Variants in TMEM107 observed in about 807,000 individuals in gnomAD.
The protein encoded by TMEM107 is transmembrane protein 107.
In TMEM107, 18 loss-of-function variants were observed where a neutral mutation model predicts 16.8. The ratio of observed to expected loss-of-function variants is 1.07; its 90% CI spans 0.74 to 1.59. The LOEUF is 1.59. Among genes scored for constraint, TMEM107 ranks in the 40% most tolerant of loss-of-function variants. The pLI, the probability that TMEM107 is intolerant of heterozygous loss-of-function variation, is 0.00. For synonymous variants in TMEM107, 68 were observed against 71.6 expected (o/e 0.95, Z 0.25); for missense variants, 152 against 175.4 (o/e 0.87, Z 0.75).
In TMEM107 at chr17:8,173,538, C is replaced by T. The variant is rs375272334; in HGVS notation, c.*665G>A. ...TTCATGCATCTCCAATCATCATGTT[C>T]TAATCTGCCCTCCGGAGGAGGAACA... On this transcript the variant is annotated 3_prime_UTR_variant, in exon 5 of 5. Coordinates refer to ENST00000437139, the MANE Select transcript of TMEM107 (RefSeq NM_183065.4). The T allele has an allele frequency of 4.0e-4, 303 of 765,362 alleles. No individual in the cohort carries two copies. The highest frequency in any genetic ancestry group is 5.5e-4 in the Non-Finnish European group (228 of 418,006). The allele number at this position is 765,362 out of a possible 1,614,324, so 47.4% of individuals were successfully genotyped here.
rs757456974 is a variant in TMEM107, at chr17:8,175,833, G to A, written c.180C>T (p.Thr60=). Residue 60 remains threonine (T), a synonymous_variant, in exon 3 of 5, where the codon ACC becomes ACT. Coordinates refer to ENST00000437139, the MANE Select transcript of TMEM107 (RefSeq NM_183065.4). ...CCAGCTCCACTGCAAAGAGGCCCAGGGTGACAGAGAGCGCGGCCACCAGCC... is the reference window on the plus strand; with the variant it reads ...CCAGCTCCACTGCAAAGAGGCCCAGAGTGACAGAGAGCGCGGCCACCAGCC... ...DIQLVAALSV[T]LGLFAVELAG... 1 of 1,614,198 alleles carries A rather than the reference G, an allele frequency of 6.2e-7. No homozygotes were observed. Among genetic ancestry groups the A allele is most frequent in the Non-Finnish European group, 8.5e-7 (1 of 1,180,040 alleles).
rs768849369 is a variant in TMEM107, at chr17:8,173,568, AG to A, written c.*634del. Reference sequence around the variant, plus strand: ...CTGCCCTCCGGAGGAGGAACAGGTAAGGATTATCCCACCTGACGATACAGAC... The same window carrying A: ...CTGCCCTCCGGAGGAGGAACAGGTAAGATTATCCCACCTGACGATACAGAC... On this transcript the variant is annotated 3_prime_UTR_variant, in exon 5 of 5. Coordinates refer to ENST00000437139, the MANE Select transcript of TMEM107 (RefSeq NM_183065.4). 1.3e-6 allele frequency: 1 copy of A among 765,072 alleles called. No homozygotes were observed. The highest frequency in any genetic ancestry group is 1.7e-5 in the Admixed American group (1 of 58,930). 47.4% of individuals were successfully genotyped at this position (765,072 alleles called of 1,614,324 possible).
chr17:8,173,820 C>T lies in TMEM107; in HGVS notation c.*383G>A. ...TTACGTGCCGGACGTTCTAACTGTA[C>T]GCACTTTCTATTTACATATCTCCGC... On this transcript the variant is annotated 3_prime_UTR_variant, in exon 5 of 5. Coordinates refer to ENST00000437139, the MANE Select transcript of TMEM107 (RefSeq NM_183065.4). 2.0e-6 allele frequency: 1 copy of T among 499,804 alleles called. No homozygotes were observed. 31.0% of individuals were successfully genotyped at this position (499,804 alleles called of 1,614,324 possible).
At position 8,173,815 on chromosome 17, in the gene TMEM107, C is replaced by T. The variant is rs991506796; in HGVS notation, c.*388G>A. On this transcript the variant is annotated 3_prime_UTR_variant, in exon 5 of 5. Coordinates refer to ENST00000437139, the MANE Select transcript of TMEM107 (RefSeq NM_183065.4). ...ATCAGTTACGTGCCGGACGTTCTAA[C>T]TGTACGCACTTTCTATTTACATATC... 1.8e-5 allele frequency: 9 copies of T among 507,144 alleles called. No homozygotes were observed. The highest frequency in any genetic ancestry group is 9.7e-5 in the African/African-American group (5 of 51,416). 31.4% of individuals were successfully genotyped at this position (507,144 alleles called of 1,614,324 possible).
rs746215946 is a variant in TMEM107, at chr17:8,173,496, A to C, written c.*707T>G. ...AGGGTGTTGCAAGTCCTGATTACGCAGAGACGTTAATCACGTTTCATGCAT... is the reference window on the plus strand; with the variant it reads ...AGGGTGTTGCAAGTCCTGATTACGCCGAGACGTTAATCACGTTTCATGCAT... On this transcript the variant is annotated 3_prime_UTR_variant, in exon 5 of 5. Transcript: ENST00000437139. The C allele has an allele frequency of 2.6e-6, 2 of 765,268 alleles. No individual in the cohort carries two copies. Among genetic ancestry groups the C allele is most frequent in the Admixed American group, 3.4e-5 (2 of 59,024 alleles). 47.4% of individuals were successfully genotyped at this position (765,268 alleles called of 1,614,324 possible).
chr17:8,175,873 G>A lies in TMEM107; in HGVS notation c.156-16C>T. On this transcript the variant is annotated splice_polypyrimidine_tract_variant and intron_variant, in intron 2 of 4. Transcript: ENST00000437139. ...GGCCACCAGCCTGCAGAGAGGAAGT[G>A]GACTGGCCCAGGCCTTTGGACTTAT... 1 of 1,614,136 alleles carries A rather than the reference G, an allele frequency of 6.2e-7. No homozygotes were observed. The highest frequency in any genetic ancestry group is 1.1e-5 in the South Asian group (1 of 91,088).
Position 8,173,482 on chromosome 17 carries a change from A to C in TMEM107, c.*721T>G, listed in dbSNP as rs377598768. 2 of 764,890 alleles carry C rather than the reference A, an allele frequency of 2.6e-6. No individual in the cohort carries two copies. The highest frequency in any genetic ancestry group is 1.7e-5 in the African/African-American group (1 of 59,136). 47.4% of individuals were successfully genotyped at this position (764,890 alleles called of 1,614,324 possible). A position where few individuals can be genotyped will look rare whatever the true frequency, so the allele number is the denominator to read the frequency against. On this transcript the variant is annotated 3_prime_UTR_variant, in exon 5 of 5. Coordinates refer to ENST00000437139, the MANE Select transcript of TMEM107 (RefSeq NM_183065.4). ...AGACAGGAGCAATCAGGGTGTTGCA[A>C]GTCCTGATTACGCAGAGACGTTAAT...
At position 8,173,575 on chromosome 17, in the gene TMEM107, T is replaced by G. The variant is rs777501044; in HGVS notation, c.*628A>C. On this transcript the variant is annotated 3_prime_UTR_variant, in exon 5 of 5. Coordinates refer to ENST00000437139, the MANE Select transcript of TMEM107 (RefSeq NM_183065.4). ...CCGGAGGAGGAACAGGTAAGGATTA[T>G]CCCACCTGACGATACAGACAAACAG... 1.0e-4 allele frequency: 78 copies of G among 764,710 alleles called. No individual in the cohort carries two copies. The highest frequency in any genetic ancestry group is 1.5e-4 in the Non-Finnish European group (63 of 417,684). 47.4% of individuals were successfully genotyped at this position (764,710 alleles called of 1,614,324 possible).
At position 8,175,871 on chromosome 17, in the gene TMEM107, G is replaced by C; in HGVS notation, c.156-14C>G. 1.2e-6 allele frequency: 2 copies of C among 1,614,190 alleles called. No homozygotes were observed. The highest frequency in any genetic ancestry group is 1.7e-6 in the Non-Finnish European group (2 of 1,180,022). ...GCGGCCACCAGCCTGCAGAGAGGAA[G>C]TGGACTGGCCCAGGCCTTTGGACTT... is the stretch of plus-strand genomic sequence containing the variant. On this transcript the variant is annotated splice_polypyrimidine_tract_variant and intron_variant, in intron 2 of 4. Transcript: ENST00000437139.
Position 8,173,433 on chromosome 17 carries a change from T to TGTAA in TMEM107, c.*766_*769dup. On this transcript the variant is annotated 3_prime_UTR_variant, in exon 5 of 5. Transcript: ENST00000437139. The stretch of plus-strand genomic sequence containing the variant: ...TATCTGCTAATCAGCATAACACAAA[T>TGTAA]GTAAGTGATCGTCAGAAAGAATCAG... 1 of 760,348 alleles carries TGTAA rather than the reference T, an allele frequency of 1.3e-6. No homozygotes were observed. The highest frequency in any genetic ancestry group is 2.4e-6 in the Non-Finnish European group (1 of 415,370). 47.1% of individuals were successfully genotyped at this position (760,348 alleles called of 1,614,324 possible). A position where few individuals can be genotyped will look rare whatever the true frequency, so the allele number is the denominator to read the frequency against.
In TMEM107 at chr17:8,174,265, G is replaced by T; in HGVS notation, c.361C>A (p.Pro121Thr). 1 of 1,614,124 alleles carries T rather than the reference G, an allele frequency of 6.2e-7. No homozygotes were observed. Among genetic ancestry groups the T allele is most frequent in the African/African-American group, 1.3e-5 (1 of 75,062 alleles). ...AATAAAGCCATTTCAGTGACAGCTG[G>T]AAGGGCACTACCAAGGCAAGTGGTA... is the stretch of plus-strand genomic sequence containing the variant. ...WYIFVFCSAL[P>T]AVTEMALFVT... Residue 121 changes from proline (P) to threonine (T), a missense_variant, in exon 5 of 5, where the codon CCA becomes ACA. By Grantham distance (38) the Pro-to-Thr change is conservative. Coordinates refer to ENST00000437139, the MANE Select transcript of TMEM107 (RefSeq NM_183065.4).
In TMEM107 at chr17:8,173,450, A is replaced by G. The variant is rs775477766; in HGVS notation, c.*753T>C. The G allele has an allele frequency of 3.9e-6, 3 of 762,666 alleles. No individual in the cohort carries two copies. Among genetic ancestry groups the G allele is most frequent in the Non-Finnish European group, 4.8e-6 (2 of 416,990 alleles). The allele number at this position is 762,666 out of a possible 1,614,324, so 47.2% of individuals were successfully genotyped here. A position where few individuals can be genotyped will look rare whatever the true frequency, so the allele number is the denominator to read the frequency against. On this transcript the variant is annotated 3_prime_UTR_variant, in exon 5 of 5. Transcript: ENST00000437139. ...AACACAAATGTAAGTGATCGTCAGA[A>G]AGAATCAGACAGGAGCAATCAGGGT...
chr17:8,175,711 G>C lies in TMEM107; in HGVS notation c.256+46C>G, dbSNP rs8064449. On this transcript the variant is annotated intron_variant, in intron 3 of 4. Coordinates refer to ENST00000437139, the MANE Select transcript of TMEM107 (RefSeq NM_183065.4). ...GTGTCAGGTGGCTGAAGGGAGTCCTGATAGAAGTGGGTCGTGTGGGAAAGG... is the reference window on the plus strand; with the variant it reads ...GTGTCAGGTGGCTGAAGGGAGTCCTCATAGAAGTGGGTCGTGTGGGAAAGG... The C allele has an allele frequency of 0.65, 984,672 of 1,510,292 alleles. 324,146 individuals carry two copies. The highest frequency in any genetic ancestry group is 0.71 in the South Asian group (63,222 of 89,012). The allele number at this position is 1,510,292 out of a possible 1,614,324, so 93.6% of individuals were successfully genotyped here. A position where few individuals can be genotyped will look rare whatever the true frequency, so the allele number is the denominator to read the frequency against.
rs1049520999 is a variant in TMEM107 at position 8,174,561 on chromosome 17, A to G, written c.312T>C (p.Arg104=). 6.2e-7 allele frequency: 1 copy of G among 1,614,114 alleles called. No homozygotes were observed. Among genetic ancestry groups the G allele is most frequent in the Non-Finnish European group, 8.5e-7 (1 of 1,180,006 alleles). Residue 104 remains arginine, a synonymous_variant, in exon 4 of 5, where the codon CGT becomes CGC. Coordinates refer to ENST00000437139, the MANE Select transcript of TMEM107 (RefSeq NM_183065.4). The stretch of plus-strand genomic sequence containing the variant: ...TGTACCAATACGTAGTGCACTCCCA[A>G]CGCTCGAATATGAAGAAGGACAGGG... ...SVALSFFIFE[R]WECTTYWYIF...
chr17:8,175,688 G>T (rs1429719715), intron 3 of TMEM107, 69 bp downstream of exon 3: 2 of 1,231,458 alleles, frequency 1.6e-6, no homozygotes, highest in Non-Finnish European at 2.4e-6. Flanking sequence ...ACACTATTGT[G>T]TCAGGTGGCT....
chr17:8,173,123 A>C lies in TMEM107; in HGVS notation c.*1080T>G, dbSNP rs1983680625. ...GAAAAAGAAATACAGTTCCTATTGA[A>C]TACCATCCTGAGGGCAACCACCATG... On this transcript the variant is annotated 3_prime_UTR_variant, in exon 5 of 5. Coordinates refer to ENST00000437139, the MANE Select transcript of TMEM107 (RefSeq NM_183065.4). The C allele has an allele frequency of 4.0e-6, 1 of 248,454 alleles. No individual in the cohort carries two copies. The highest frequency in any genetic ancestry group is 8.0e-6 in the Non-Finnish European group (1 of 125,712). 15.4% of individuals were successfully genotyped at this position (248,454 alleles called of 1,614,324 possible).
intron 3 of TMEM107, 98 bp from the exon 4 acceptor site, chr17:8,174,714 T>C: frequency 1.0e-6 from 1 of 992,696 alleles, no homozygotes; most frequent in Admixed American, 1.8e-5. Flanking sequence ...TTCAGGTTCA[T>C]CCCTTGCTCC....
rs1555525625 is a variant in TMEM107 at position 8,173,549 on chromosome 17, T to TC, written c.*653dup. On this transcript the variant is annotated 3_prime_UTR_variant, in exon 5 of 5. Transcript: ENST00000437139. ...CCAATCATCATGTTCTAATCTGCCC[T>TC]CCGGAGGAGGAACAGGTAAGGATTA... is the stretch of plus-strand genomic sequence containing the variant. 7.8e-6 allele frequency: 6 copies of TC among 765,220 alleles called. No homozygotes were observed. The highest frequency in any genetic ancestry group is 1.2e-5 in the Non-Finnish European group (5 of 418,018). The allele number at this position is 765,220 out of a possible 1,614,324, so 47.4% of individuals were successfully genotyped here. A position where few individuals can be genotyped will look rare whatever the true frequency, so the allele number is the denominator to read the frequency against.
rs746790343 is a variant in TMEM107 at position 8,175,703 on chromosome 17, G to A, written c.256+54C>T. The A allele has an allele frequency of 1.0e-5, 14 of 1,405,664 alleles. 1 individual carries two copies. The South Asian group carries it at 1.5e-4, about 15-fold the overall frequency. 87.1% of individuals were successfully genotyped at this position (1,405,664 alleles called of 1,614,324 possible). On this transcript the variant is annotated intron_variant, in intron 3 of 4. Transcript: ENST00000437139. ...ACACTATTGTGTCAGGTGGCTGAAG[G>A]GAGTCCTGATAGAAGTGGGTCGTGT...
Sources: allele counts gnomAD v4.1 joint callset, GRCh38; gene constraint gnomAD v4.1.1; transcripts MANE v1.5; gene names NCBI Gene and HGNC (gene_info 2026-07-23, HGNC 2026-07-21).